WDR64: variants seen among roughly 807,000 people sequenced by gnomAD.
The protein encoded by WDR64 is WD repeat-containing protein 64.
WDR64 carries 112 observed loss-of-function variants against 139.3 expected under a neutral mutation model. That is an observed-to-expected ratio of 0.80 (90% CI 0.69 to 0.94). The LOEUF (loss-of-function observed/expected upper bound fraction) is 0.94, where lower values mean the gene tolerates loss of function less well. WDR64 is among the 40% of genes least tolerant of loss of function. WDR64 has a pLI of 0.00. For synonymous variants in WDR64, 444 were observed against 437.7 expected (o/e 1.01, Z -0.18); for missense variants, 1,206 against 1,293.1 (o/e 0.93, Z 1.03).
At chr1:241,672,657 C>T (rs1436526607) in intron 3 of WDR64, among the ~76,000 whole-genome samples, 2 of 152,088 alleles carry the variant, frequency 1.3e-5, no homozygotes, top group African/African-American at 4.8e-5. Flanking sequence ...TGGTAATACA[C>T]ACTATAGGAC....
At chr1:241,752,361 C>T (rs1574069436) in intron 14 of WDR64, among the ~76,000 whole-genome samples, 1 of 152,108 alleles carries the variant, frequency 6.6e-6, no homozygotes, top group Non-Finnish European at 1.5e-5. Flanking sequence ...TTACTATAGC[C>T]TTTCTTTTCA....
Position 241,736,037 on chromosome 1 carries a change from A to G in WDR64, c.1195-2326A>G, listed in dbSNP as rs566155568. Among the ~76,000 whole-genome samples the G allele has an allele frequency of 4.6e-5, 7 of 152,210 alleles. No individual in the cohort carries two copies. The South Asian group carries it at 1.2e-3, about 27-fold the overall frequency. On this transcript the variant is annotated intron_variant, in intron 10 of 27. Transcript: ENST00000437684. The stretch of plus-strand genomic sequence containing the variant: ...TGTGCCCTACCCTCACTGGTCTCAT[A>G]TCTTTGAAAAAGCTACACATCCACA...
intron 25 of WDR64, among the ~76,000 whole-genome samples, chr1:241,794,344 T>C (rs918328240): frequency 1.3e-5 from 2 of 152,070 alleles, no homozygotes; most frequent in African/African-American, 2.4e-5. Context: ...GAAATAAAGA[T>C]TGGAATTCAC....
chr1:241,652,351 T>A lies in WDR64; in HGVS notation c.-134T>A. 1 of 893,606 alleles carries A rather than the reference T, an allele frequency of 1.1e-6. No individual in the cohort carries two copies. Among genetic ancestry groups the A allele is most frequent in the Non-Finnish European group, 1.7e-6 (1 of 602,836 alleles). 55.4% of individuals were successfully genotyped at this position (893,606 alleles called of 1,614,324 possible). ...CTTACTCCTACCCGCACTATGGGAT[T>A]TTAAGATCAAAGGAATTAGACCTAG... On this transcript the variant is annotated 5_prime_UTR_variant, in exon 1 of 28. Coordinates refer to ENST00000437684, the MANE Select transcript of WDR64 (RefSeq NM_001367482.1).
At chr1:241,752,797 G>C (rs369132521) in intron 14 of WDR64, among the ~76,000 whole-genome samples, 1 of 152,150 alleles carries the variant, frequency 6.6e-6, no homozygotes, top group East Asian at 1.9e-4. Context: ...GCTGCAGTGA[G>C]CCAAAATTGC....
rs568334327 is a variant in WDR64 at position 241,695,276 on chromosome 1, A to G, written c.974+7681A>G. ...TGTGTTCTTGAGGGTTTTTAAAAAA[A>G]TATCCTCAGAAAATACTACACAGTA... On this transcript the variant is annotated intron_variant, in intron 8 of 27. Coordinates refer to ENST00000437684, the MANE Select transcript of WDR64 (RefSeq NM_001367482.1). Among the ~76,000 whole-genome samples the G allele has an allele frequency of 5.3e-5, 8 of 152,364 alleles. No individual in the cohort carries two copies. In the South Asian group the frequency reaches 1.7e-3, roughly 32 times the overall value.
chr1:241,775,131 T>C lies in WDR64; in HGVS notation c.2457T>C (p.Pro819=). The change falls in exon 21 of 28, where the codon CCT becomes CCC. Residue 819 remains proline (P), a synonymous_variant. Coordinates refer to ENST00000437684, the MANE Select transcript of WDR64 (RefSeq NM_001367482.1). The stretch of plus-strand genomic sequence containing the variant: ...GAAGACTACTGAAAGATATGCTACC[T>C]TTCACAAAACATTCTGCCATTTCTC... The part of the protein sequence containing the change: ...LEGRLLKDML[P]FTKHSAISLT... The C allele has an allele frequency of 5.2e-6, 8 of 1,551,140 alleles. No homozygotes were observed. The highest frequency in any genetic ancestry group is 7.0e-6 in the Non-Finnish European group (8 of 1,146,866).
Position 241,682,436 on chromosome 1 carries a change from T to G in WDR64, c.625-1051T>G, listed in dbSNP as rs1003484429. ...GCGTTGTTGAAGATAAGTTGGCTGT[T>G]AAGTATTTGGATTTATTTCTGAGTT... On this transcript the variant is annotated intron_variant, in intron 6 of 27. Coordinates refer to ENST00000437684, the MANE Select transcript of WDR64 (RefSeq NM_001367482.1). Among the ~76,000 whole-genome samples the G allele has an allele frequency of 7.9e-5, 12 of 152,220 alleles. No individual in the cohort carries two copies. In the South Asian group the frequency reaches 2.5e-3, roughly 32 times the overall value.
chr1:241,791,189 G>A (rs889997360), intron 25 of WDR64, among the ~76,000 whole-genome samples: 6 of 152,276 alleles, frequency 3.9e-5, no homozygotes, highest in African/African-American at 1.4e-4. Context: ...AGGAGGCTGA[G>A]GCATGAGAAT....
intron 12 of WDR64, among the ~76,000 whole-genome samples, chr1:241,744,162 G>A (rs922853261): frequency 3.3e-5 from 5 of 152,212 alleles, no homozygotes; most frequent in African/African-American, 9.6e-5. Context: ...GCCTGGAATA[G>A]AGTCCCTGCC....
In WDR64 at chr1:241,744,425, C is replaced by A. The variant is rs371271800; in HGVS notation, c.1503C>A (p.Tyr501Ter). ...VWELETGLQV[Y>*]QILEPHGFNT... is the part of the protein sequence containing the mutation. ...AACTCGAGACTGGGCTCCAAGTATA[C>A]CAGATTTTAGAACCTCATGGTTTCA... is the stretch of plus-strand genomic sequence containing the variant. Residue 501 changes from tyrosine (Y) to a stop codon, truncating the protein, a stop_gained, in exon 13 of 28, where the codon TAC becomes TAA. Transcript: ENST00000437684. LOFTEE classifies it high-confidence loss of function. 3.7e-6 allele frequency: 6 copies of A among 1,614,040 alleles called. No homozygotes were observed. Among genetic ancestry groups the A allele is most frequent in the South Asian group, 3.3e-5 (3 of 91,074 alleles).
Position 241,674,256 on chromosome 1 carries a change from C to CTTTTTTTT in WDR64, c.380-384_380-383insTTTTTTTT, listed in dbSNP as rs544401027. ...AAGCTGGCTGTTTATCTTTTTTTTTCTTTTCTTTTTTTTTTTTTTTGAGAC... is the reference window on the plus strand; with the variant it reads ...AAGCTGGCTGTTTATCTTTTTTTTTCTTTTTTTTTTTTCTTTTTTTTTTTTTTTGAGAC... On this transcript the variant is annotated intron_variant, in intron 3 of 27. Coordinates refer to ENST00000437684, the MANE Select transcript of WDR64 (RefSeq NM_001367482.1). Among the ~76,000 whole-genome samples the CTTTTTTTT allele has an allele frequency of 2.1e-4, 25 of 121,344 alleles. 8 individuals carry two copies. The highest frequency in any genetic ancestry group is 4.5e-4 in the East Asian group (2 of 4,432). 79.6% of individuals were successfully genotyped at this position (121,344 alleles called of 152,430 possible).
At chr1:241,709,150 T>C (rs1230805079) in intron 8 of WDR64, among the ~76,000 whole-genome samples, 1 of 152,186 alleles carries the variant, frequency 6.6e-6, no homozygotes, top group Non-Finnish European at 1.5e-5. Flanking sequence ...TTTTCTGACA[T>C]TAAACTAATA....
chr1:241,732,698 T>C (rs1328172664), intron 10 of WDR64, among the ~76,000 whole-genome samples: 1 of 151,870 alleles, frequency 6.6e-6, no homozygotes, highest in Non-Finnish European at 1.5e-5. Flanking sequence ...CGGGCTCCTG[T>C]AATCCCAGCT....
At chr1:241,667,742 T>G (rs149616139) in intron 2 of WDR64, among the ~76,000 whole-genome samples, 1 of 152,168 alleles carries the variant, frequency 6.6e-6, no homozygotes, top group African/African-American at 2.4e-5. Context: ...GTAGATTCTT[T>G]CCTGAAAGTC....
intron 13 of WDR64, among the ~76,000 whole-genome samples, chr1:241,747,605 C>T (rs12093969): frequency 0.026 from 3,910 of 152,224 alleles, 159 homozygotes; most frequent in African/African-American, 0.088. Flanking sequence ...TAAGCACTAT[C>T]AGAATTGGAG....
chr1:241,780,849 A>G (rs1018377734), intron 22 of WDR64, among the ~76,000 whole-genome samples: 1 of 152,202 alleles, frequency 6.6e-6, no homozygotes, highest in Non-Finnish European at 1.5e-5. Context: ...GACAGTGATG[A>G]AGTCAGGGCC....
At chr1:241,791,774 A>G (rs1194053687) in intron 25 of WDR64, among the ~76,000 whole-genome samples, 1 of 152,222 alleles carries the variant, frequency 6.6e-6, no homozygotes, top group Admixed American at 6.5e-5. Context: ...CTTAACATGA[A>G]TCATATCTGC....
chr1:241,706,907 T>A (rs1667973588), intron 8 of WDR64, among the ~76,000 whole-genome samples: 1 of 152,212 alleles, frequency 6.6e-6, no homozygotes, highest in South Asian at 2.1e-4. Context: ...ACTGGTAGCC[T>A]GTTAGCCAAA....
Sources: allele counts gnomAD v4.1 joint callset (sites outside exome capture counted in the v4.1 genomes callset), GRCh38; gene constraint gnomAD v4.1.1; transcripts MANE v1.5; gene names NCBI Gene and HGNC (gene_info 2026-07-23, HGNC 2026-07-21).